Variants in DHX8 observed in about 807,000 individuals in gnomAD.
DHX8 encodes DEAH-box helicase 8.
DHX8 carries 67 observed loss-of-function variants against 140.7 expected under a neutral mutation model. That is an observed-to-expected ratio of 0.48 (90% CI 0.39 to 0.58). DHX8 has a LOEUF of 0.58. Ranked by LOEUF, DHX8 falls within the 20% of genes least tolerant of loss-of-function variation. The pLI, the probability that DHX8 is intolerant of heterozygous loss-of-function variation, is 0.00. For missense variants in DHX8, 887 were observed against 1,550.7 expected, an observed-to-expected ratio of 0.57 and a Z score of 7.19; for synonymous variants, 533 against 553.2, an observed-to-expected ratio of 0.96 and a Z score of 0.51.
At chr17:43,496,472 C>T (rs745813902) in intron 9 of DHX8, among the ~76,000 whole-genome samples, 1 of 151,914 alleles carries the variant, frequency 6.6e-6, no homozygotes, top group Non-Finnish European at 1.5e-5. Context: ...ATTATTATAC[C>T]TGTTGCTTAT....
Position 43,492,198 on chromosome 17 carries a change from G to C in DHX8, c.409G>C (p.Asp137His), listed in dbSNP as rs966420264. 2 of 1,614,100 alleles carry C rather than the reference G, an allele frequency of 1.2e-6. No homozygotes were observed. Among genetic ancestry groups the C allele is most frequent in the African/African-American group, 1.3e-5 (1 of 75,042 alleles). The stretch of plus-strand genomic sequence containing the variant: ...ACCTCTGCAGACCATGTTGGATGAA[G>C]ATGATGTGAAAGTTGCTGTGGATGT... ...NPSVRTMLDEDDVKVAVDVLK... is the reference protein window; with the variant it reads ...NPSVRTMLDEHDVKVAVDVLK... Residue 137 changes from aspartate (D) to histidine (H), a missense_variant, in exon 5 of 23, where the codon GAT becomes CAT. This residue lies in a region of DHX8 where 304 missense variants were observed against 306.9 expected (regional missense o/e 0.99). Coordinates refer to ENST00000262415, the MANE Select transcript of DHX8 (RefSeq NM_004941.3).
In DHX8 at chr17:43,493,720, A is replaced by G; in HGVS notation, c.1046A>G (p.Asn349Ser). The G allele has an allele frequency of 6.2e-7, 1 of 1,614,208 alleles. No homozygotes were observed. The highest frequency in any genetic ancestry group is 8.5e-7 in the Non-Finnish European group (1 of 1,180,040). The change falls in exon 8 of 23, where the codon AAT becomes AGT. Residue 349 changes from asparagine to serine, a missense_variant. Around this residue, in one of 9 missense-constraint regions of DHX8, gnomAD observed 98 missense variants for 152.7 expected, o/e 0.64. Transcript: ENST00000262415. ...GAGACTGGAGAAGATCTAAACCCAA[A>G]TAGACGGCGAAATCTTGTCGGGGAG... ...DQETGEDLNP[N>S]RRRNLVGETN... is the part of the protein sequence containing the mutation.
At chr17:43,493,331 T>A (rs1033675452) in intron 6 of DHX8, 114 bp from the exon 7 acceptor site, 1 of 1,403,658 alleles carries the variant, frequency 7.1e-7, no homozygotes, top group Admixed American at 2.3e-5. Context: ...ACCTTCATGG[T>A]ACTTTTCTCT....
chr17:43,485,966 A>G (rs1211945465), intron 1 of DHX8, among the ~76,000 whole-genome samples: 1 of 152,128 alleles, frequency 6.6e-6, no homozygotes, highest in Non-Finnish European at 1.5e-5. Flanking sequence ...GAAGGCCAAG[A>G]CAGGCCGATC....
In DHX8 at chr17:43,536,038, G is replaced by A. The variant is rs531296236; in HGVS notation, c.351-374G>A. Among the ~76,000 whole-genome samples the A allele has an allele frequency of 3.9e-5, 6 of 152,338 alleles. No homozygotes were observed. The East Asian group carries it at 5.8e-4, about 15-fold the overall frequency. On this transcript the variant is annotated intron_variant, in intron 2 of 3. Transcript: ENST00000589898. ...AGGCAGGAGAATGGCTTAAACCCGG[G>A]AGGCGGAAGTTGCAGTGAGCCGAGA...
At chr17:43,500,239 C>T in intron 11 of DHX8, 136 bp downstream of exon 11, 1 of 946,936 alleles carries the variant, frequency 1.1e-6, no homozygotes, top group Non-Finnish European at 1.5e-6. Context: ...AATCCCAGCA[C>T]TTTGGGAGGC....
At chr17:43,495,505 G>A (rs1968804048) in intron 8 of DHX8, among the ~76,000 whole-genome samples, 1 of 151,814 alleles carries the variant, frequency 6.6e-6, no homozygotes, top group Admixed American at 6.6e-5. Flanking sequence ...TCAAACTCCT[G>A]GGCTCCAAGT....
intron 22 of DHX8, among the ~76,000 whole-genome samples, chr17:43,523,198 C>A (rs1399228344): frequency 1.3e-5 from 2 of 151,874 alleles, no homozygotes; most frequent in Admixed American, 1.3e-4. Flanking sequence ...TTAAAACCAC[C>A]ATGTTATCAC....
chr17:43,515,925 T>G (rs1032361551), intron 17 of DHX8, among the ~76,000 whole-genome samples: 1 of 152,172 alleles, frequency 6.6e-6, no homozygotes, highest in Admixed American at 6.5e-5. Context: ...AAAATGGCCC[T>G]CTTCAGATTG....
chr17:43,522,335 T>C, intron 22 of DHX8, 109 bp downstream of exon 22: 1 of 1,071,128 alleles, frequency 9.3e-7, no homozygotes, highest in Non-Finnish European at 1.3e-6. Flanking sequence ...TGTCCTAGTA[T>C]AACACTGCTT....
chr17:43,515,585 C>G (rs964796605), intron 17 of DHX8, among the ~76,000 whole-genome samples: 5 of 152,202 alleles, frequency 3.3e-5, no homozygotes, highest in African/African-American at 1.2e-4. Context: ...ATTATTTTCA[C>G]AGATGAGGAA....
Position 43,507,619 on chromosome 17 carries a change from G to A in DHX8, c.2040G>A (p.Ala680=), listed in dbSNP as rs774213006. The change falls in exon 14 of 23, where the codon GCG becomes GCA. Residue 680 remains alanine (A), a synonymous_variant. Coordinates refer to ENST00000262415, the MANE Select transcript of DHX8 (RefSeq NM_004941.3). Reference sequence around the variant, plus strand: ...TTGACCCTGACCTCACTCAGTACGCGATCATCATGTTGGACGAGGCACATG... The same window carrying A: ...TTGACCCTGACCTCACTCAGTACGCAATCATCATGTTGGACGAGGCACATG... ...CLIDPDLTQY[A]IIMLDEAHER... The A allele has an allele frequency of 1.1e-5, 17 of 1,614,130 alleles. No individual in the cohort carries two copies. Among genetic ancestry groups the A allele is most frequent in the African/African-American group, 6.7e-5 (5 of 75,018 alleles).
downstream of DHX8, chr17:43,528,881 G>A (rs1970728578): frequency 2.8e-6 from 2 of 722,618 alleles, no homozygotes; most frequent in African/African-American, 1.8e-5. Context: ...GCTGGTTCCT[G>A]AGAAGCTGAC....
At chr17:43,529,603 C>T, downstream of DHX8, 2 of 1,614,146 alleles carry the variant, frequency 1.2e-6, no homozygotes, top group Non-Finnish European at 1.7e-6. Flanking sequence ...GAAATTGCCA[C>T]AGCTGCAGGG....
At chr17:43,486,936 T>C (rs1968193118) in intron 1 of DHX8, among the ~76,000 whole-genome samples, 1 of 151,980 alleles carries the variant, frequency 6.6e-6, no homozygotes, top group African/African-American at 2.4e-5. Flanking sequence ...CAGACTGCTT[T>C]GGGAGGGGCT....
downstream of DHX8, among the ~76,000 whole-genome samples, chr17:43,530,821 C>T (rs1279542021): frequency 1.3e-5 from 2 of 152,058 alleles, no homozygotes; most frequent in Admixed American, 6.5e-5. Context: ...AACCCCTTCC[C>T]GCCCTCCCCC....
At chr17:43,526,186 A>G (rs1970610569), downstream of DHX8, 1 of 985,328 alleles carries the variant, frequency 1.0e-6, no homozygotes, top group African/African-American at 1.7e-5. Flanking sequence ...GCTCTCACAC[A>G]ATGGAGCCCT....
At chr17:43,533,580 G>T (rs1971076298) in intron 2 of DHX8, among the ~76,000 whole-genome samples, 1 of 151,930 alleles carries the variant, frequency 6.6e-6, no homozygotes, top group Admixed American at 6.6e-5. Flanking sequence ...ATTCATACAG[G>T]GGGGATTTGT....
At chr17:43,528,770 G>C (rs545730133), downstream of DHX8, 13 of 1,597,100 alleles carry the variant, frequency 8.1e-6, no homozygotes, top group East Asian at 2.9e-4. Flanking sequence ...GGTCTGGTCA[G>C]CCTGGCTAGC....
Sources: allele counts gnomAD v4.1 joint callset (sites outside exome capture counted in the v4.1 genomes callset), GRCh38; gene constraint gnomAD v4.1.1; regional missense constraint gnomAD v4.1.1; transcripts MANE v1.5; gene names NCBI Gene and HGNC (gene_info 2026-07-23, HGNC 2026-07-21).